The following PLD5 variants were observed in gnomAD, a reference collection of about 807,000 sequenced individuals.
PLD5 encodes the protein phospholipase D family member 5.
A neutral mutation model predicts 61.1 loss-of-function variants in PLD5; 36 were observed. The ratio of observed to expected loss-of-function variants is 0.59; its 90% CI spans 0.45 to 0.78. The LOEUF (loss-of-function observed/expected upper bound fraction) is 0.78, where lower values mean the gene tolerates loss of function less well. PLD5 is among the 30% of genes least tolerant of loss of function. The probability of loss-of-function intolerance (pLI) is 0.00; values close to 1 mark genes in which losing one functional copy is unlikely to be tolerated. For synonymous variants in PLD5, 243 were observed against 242.8 expected (o/e 1.00, Z -0.01); for missense variants, 515 against 644.4 (o/e 0.80, Z 2.17).
Position 242,392,438 on chromosome 1 carries a change from G to C in PLD5, c.190-44196C>G, listed in dbSNP as rs544427204. ...AGTTAAAATTATGGGGTGAAAAGGC[G>C]AATGTAAGCTTTCAAGTGTGTGACA... is the stretch of plus-strand genomic sequence containing the variant. On this transcript the variant is annotated intron_variant, in intron 1 of 9. Coordinates refer to ENST00000536534, the MANE Select transcript of PLD5 (RefSeq NM_001372062.1). Among the ~76,000 whole-genome samples, 12 of 152,288 alleles carry C rather than the reference G, an allele frequency of 7.9e-5. No individual in the cohort carries two copies. The South Asian group carries it at 2.5e-3, about 32-fold the overall frequency.
Position 242,179,641 on chromosome 1 carries a change from G to A in PLD5, c.735+40347C>T, listed in dbSNP as rs191480434. ...GTATAGGCCAGGCACAGTGGCTCAC[G>A]TCTGTAATCCCAGCATTTTGGGAGG... is the stretch of plus-strand genomic sequence containing the variant. On this transcript the variant is annotated intron_variant, in intron 5 of 9. Transcript: ENST00000536534. 6.6e-4 allele frequency among the ~76,000 whole-genome samples: 101 copies of A among 152,270 alleles called. 1 individual carries two copies. The highest frequency in any genetic ancestry group is 4.1e-3 in the East Asian group (21 of 5,168).
chr1:242,292,374 T>C (rs557711664), intron 2 of PLD5, among the ~76,000 whole-genome samples: 4 of 152,274 alleles, frequency 2.6e-5, no homozygotes, highest in South Asian at 4.1e-4. Flanking sequence ...AAAAGGTATA[T>C]GGAGAAAGAC....
chr1:242,428,462 T>A (rs925492944), intron 1 of PLD5, among the ~76,000 whole-genome samples: 1 of 152,222 alleles, frequency 6.6e-6, no homozygotes, highest in African/African-American at 2.4e-5. Context: ...AAAAAAGGGA[T>A]GGGAGCTTCA....
chr1:242,132,222 G>C (rs1474632807), intron 5 of PLD5, among the ~76,000 whole-genome samples: 1 of 47,260 alleles, frequency 2.1e-5, no homozygotes, highest in African/African-American at 7.9e-5. Context: ...ATCATTTTTA[G>C]CTAGGTCATG....
intron 6 of PLD5, among the ~76,000 whole-genome samples, chr1:242,116,966 G>T (rs1661992525): frequency 6.6e-6 from 1 of 152,118 alleles, no homozygotes; most frequent in Non-Finnish European, 1.5e-5. Flanking sequence ...GGTTTCCTGG[G>T]TCTGTCCCTC....
intron 1 of PLD5, among the ~76,000 whole-genome samples, chr1:242,378,878 A>G (rs897245509): frequency 1.3e-5 from 2 of 152,056 alleles, no homozygotes; most frequent in East Asian, 3.9e-4. Flanking sequence ...TAAAAAAAAG[A>G]GAGAGAAGAA....
At chr1:242,100,524 T>G in intron 9 of PLD5, 144 bp downstream of exon 9, 1 of 629,230 alleles carries the variant, frequency 1.6e-6, no homozygotes, top group Admixed American at 2.8e-5. Context: ...CTTACCGTCC[T>G]GTTTCCTCAT....
At position 242,510,229 on chromosome 1, in the gene PLD5, AC is replaced by A. The variant is rs553080526; in HGVS notation, c.189+13858del. Among the ~76,000 whole-genome samples, 583 of 151,832 alleles carry A rather than the reference AC, an allele frequency of 3.8e-3. 4 individuals are homozygous for A. The highest frequency in any genetic ancestry group is 0.013 in the African/African-American group (551 of 41,330). ...ATTCTAAGCACATACACACACACAC[AC>A]AAAAAAAGGTCGGAAAATAATGCCA... is the stretch of plus-strand genomic sequence containing the variant. On this transcript the variant is annotated intron_variant, in intron 1 of 9. Transcript: ENST00000536534.
At chr1:242,198,954 G>A (rs771864543) in intron 5 of PLD5, among the ~76,000 whole-genome samples, 6 of 151,918 alleles carry the variant, frequency 3.9e-5, no homozygotes, top group Middle Eastern at 3.2e-3. Flanking sequence ...GGCTGGTCTC[G>A]GACTCCCGAT....
chr1:242,525,237 G>C (rs1387065191), upstream of PLD5, among the ~76,000 whole-genome samples: 1 of 146,072 alleles, frequency 6.8e-6, no homozygotes, highest in Non-Finnish European at 1.5e-5. Context: ...AAATACGCCC[G>C]GGGGCAGTAG....
At chr1:242,162,608 G>C (rs66533138) in intron 5 of PLD5, among the ~76,000 whole-genome samples, 52,015 of 151,936 alleles carry the variant, frequency 0.34, 9,103 homozygotes, top group African/African-American at 0.37. Context: ...TGAGATCTTA[G>C]TGATTGTCTA....
intron 5 of PLD5, among the ~76,000 whole-genome samples, chr1:242,175,384 C>T (rs1667069932): frequency 1.3e-5 from 2 of 152,116 alleles, no homozygotes; most frequent in Admixed American, 6.5e-5. Flanking sequence ...AAAAGGCCTT[C>T]AACAAAATTC....
chr1:242,310,769 TGGA>T (rs759129793), intron 2 of PLD5, among the ~76,000 whole-genome samples: 2 of 152,162 alleles, frequency 1.3e-5, no homozygotes, highest in African/African-American at 4.8e-5. Context: ...TGGATGGGGC[TGGA>T]GGAGATTATG....
At chr1:242,298,019 A>G (rs1314086432) in intron 2 of PLD5, among the ~76,000 whole-genome samples, 3 of 152,242 alleles carry the variant, frequency 2.0e-5, no homozygotes, top group Non-Finnish European at 2.9e-5. Context: ...TATATTGCCA[A>G]TGGGAGCCCC....
At chr1:242,453,660 C>T (rs1256824850) in intron 1 of PLD5, among the ~76,000 whole-genome samples, 3 of 152,090 alleles carry the variant, frequency 2.0e-5, no homozygotes, top group South Asian at 2.1e-4. Flanking sequence ...ATGGCCACTG[C>T]GACACCCACT....
chr1:242,151,949 T>G (rs963164433), intron 5 of PLD5, among the ~76,000 whole-genome samples: 1 of 152,080 alleles, frequency 6.6e-6, no homozygotes, highest in East Asian at 1.9e-4. Flanking sequence ...TGGTAACAAC[T>G]TGAAAATCTA....
At chr1:242,339,300 T>C (rs1400434541) in intron 2 of PLD5, among the ~76,000 whole-genome samples, 1 of 152,188 alleles carries the variant, frequency 6.6e-6, no homozygotes, top group Non-Finnish European at 1.5e-5. Context: ...CAGGGAACTT[T>C]TGATCTATTC....
At chr1:242,091,441 G>A (rs1185507880) in intron 9 of PLD5, among the ~76,000 whole-genome samples, 2 of 152,156 alleles carry the variant, frequency 1.3e-5, no homozygotes, top group Non-Finnish European at 2.9e-5. Flanking sequence ...AACAAGGCAT[G>A]TTCCTTGCCA....
At chr1:242,387,487 G>A (rs1662663132) in intron 1 of PLD5, among the ~76,000 whole-genome samples, 1 of 152,120 alleles carries the variant, frequency 6.6e-6, no homozygotes, top group South Asian at 2.1e-4. Context: ...GGAGGGTAGG[G>A]TGGAAGAGGG....
Sources: allele counts gnomAD v4.1 joint callset (sites outside exome capture counted in the v4.1 genomes callset), GRCh38; gene constraint gnomAD v4.1.1; transcripts MANE v1.5; gene names NCBI Gene and HGNC (gene_info 2026-07-23, HGNC 2026-07-21).